LPP: variants seen among roughly 807,000 people sequenced by gnomAD.
The protein encoded by LPP is lipoma-preferred partner.
A neutral mutation model predicts 60.4 loss-of-function variants in LPP; 38 were observed. The observed-to-expected ratio is 0.63, with a 90% confidence interval of 0.49 to 0.83. LPP has a LOEUF of 0.83. LPP is among the 40% of genes least tolerant of loss of function. The pLI is 0.00. For synonymous variants in LPP, 328 were observed against 290.8 expected (o/e 1.13, Z -1.30); for missense variants, 902 against 783.6 (o/e 1.15, Z -1.80).
At chr3:188,413,393 A>G (rs757644244) in intron 4 of LPP, among the ~76,000 whole-genome samples, 3 of 152,146 alleles carry the variant, frequency 2.0e-5, no homozygotes, top group Non-Finnish European at 2.9e-5. Flanking sequence ...GTTAATTGCA[A>G]TTAGAGACTG....
At chr3:188,372,597 T>C (rs1244934197) in intron 3 of LPP, among the ~76,000 whole-genome samples, 1 of 152,002 alleles carries the variant, frequency 6.6e-6, no homozygotes, top group Non-Finnish European at 1.5e-5. Context: ...TCCCCTGGGC[T>C]TTTCTTCCCA....
At chr3:188,155,448 A>T (rs1270141272) in intron 1 of LPP, among the ~76,000 whole-genome samples, 2 of 152,144 alleles carry the variant, frequency 1.3e-5, no homozygotes. Flanking sequence ...TTCCCTGCAC[A>T]TGTGCATTTT....
intron 7 of LPP, among the ~76,000 whole-genome samples, chr3:188,642,809 G>A (rs994772653): frequency 2.0e-5 from 3 of 152,142 alleles, no homozygotes; most frequent in African/African-American, 7.2e-5. Flanking sequence ...GGTGGCACAT[G>A]CCTGTAATCC....
intron 2 of LPP, among the ~76,000 whole-genome samples, chr3:188,329,386 A>G (rs1302696845): frequency 6.6e-6 from 1 of 152,246 alleles, no homozygotes; most frequent in East Asian, 1.9e-4. Flanking sequence ...TATAGTTTGT[A>G]TATCTTTTAT....
At chr3:188,823,287 C>T (rs1336485825) in intron 9 of LPP, among the ~76,000 whole-genome samples, 3 of 152,184 alleles carry the variant, frequency 2.0e-5, no homozygotes, top group Non-Finnish European at 4.4e-5. Flanking sequence ...CCTCCTAATG[C>T]CATCTAAGCT....
intron 6 of LPP, among the ~76,000 whole-genome samples, chr3:188,607,777 T>G: frequency 6.6e-6 from 1 of 152,206 alleles, no homozygotes; most frequent in Non-Finnish European, 1.5e-5. Flanking sequence ...TCACCTATTT[T>G]GAAAATAAAA....
chr3:188,531,940 T>A (rs991327806), intron 6 of LPP, among the ~76,000 whole-genome samples: 1 of 152,120 alleles, frequency 6.6e-6, no homozygotes, highest in Non-Finnish European at 1.5e-5. Flanking sequence ...CCGCAGCTTG[T>A]GATTGACATA....
intron 7 of LPP, among the ~76,000 whole-genome samples, chr3:188,681,976 A>T (rs531660040): frequency 6.6e-6 from 1 of 152,348 alleles, no homozygotes; most frequent in East Asian, 1.9e-4. Flanking sequence ...GCACCTTTCA[A>T]GGAGGAAGAA....
At chr3:188,288,039 A>T (rs1159124335) in intron 2 of LPP, among the ~76,000 whole-genome samples, 3 of 152,254 alleles carry the variant, frequency 2.0e-5, no homozygotes, top group Non-Finnish European at 2.9e-5. Context: ...GCAATTTGTT[A>T]TCAAAAGCTT....
At chr3:188,433,004 T>C (rs1791326356) in intron 4 of LPP, among the ~76,000 whole-genome samples, 1 of 152,150 alleles carries the variant, frequency 6.6e-6, no homozygotes, top group African/African-American at 2.4e-5. Context: ...GCTTTGGCTA[T>C]GTACACCAGA....
intron 6 of LPP, among the ~76,000 whole-genome samples, chr3:188,530,447 T>A (rs1022360353): frequency 6.6e-6 from 1 of 152,076 alleles, no homozygotes; most frequent in African/African-American, 2.4e-5. Context: ...GATCCTGGAG[T>A]GAATTGCAGA....
At chr3:188,269,003 G>A (rs1301360613) in intron 2 of LPP, among the ~76,000 whole-genome samples, 1 of 152,104 alleles carries the variant, frequency 6.6e-6, no homozygotes, top group Non-Finnish European at 1.5e-5. Context: ...GATGGACCTC[G>A]AATTCTAATT....
intron 3 of LPP, among the ~76,000 whole-genome samples, chr3:188,356,266 G>A (rs1202948503): frequency 1.3e-5 from 2 of 152,166 alleles, no homozygotes; most frequent in Non-Finnish European, 2.9e-5. Flanking sequence ...GTGGAAAAGG[G>A]CAACATAGTT....
At chr3:188,368,491 G>A (rs892068263) in intron 3 of LPP, among the ~76,000 whole-genome samples, 1 of 151,942 alleles carries the variant, frequency 6.6e-6, no homozygotes, top group Middle Eastern at 3.2e-3. Context: ...GAAATAGAGG[G>A]CCAGAAGGCT....
At chr3:188,320,682 T>C (rs551324565) in intron 2 of LPP, among the ~76,000 whole-genome samples, 1 of 152,326 alleles carries the variant, frequency 6.6e-6, no homozygotes, top group African/African-American at 2.4e-5. Context: ...ATTTTCCTTA[T>C]CCATGGATCA....
chr3:188,825,269 C>CTCTCTCTGTGTGTGTGTGTGTG (rs1463318065), intron 9 of LPP, among the ~76,000 whole-genome samples: 2 of 101,690 alleles, frequency 2.0e-5, no homozygotes, highest in Non-Finnish European at 1.9e-5. Context: ...CTCTCTCTCT[C>CTCTCTCTGTGTGTGTGTGTGTG]TGTGTGTGTG....
chr3:188,394,889 T>A (rs1275466173), intron 3 of LPP, among the ~76,000 whole-genome samples: 1 of 152,188 alleles, frequency 6.6e-6, no homozygotes, highest in Non-Finnish European at 1.5e-5. Flanking sequence ...GGTCCCCAGT[T>A]GAAAATGCTT....
chr3:188,395,753 A>G (rs1780793611), intron 3 of LPP, among the ~76,000 whole-genome samples: 2 of 151,478 alleles, frequency 1.3e-5, no homozygotes, highest in Non-Finnish European at 2.9e-5. Flanking sequence ...CTTTACAAAA[A>G]AAATTAAAAA....
At position 188,714,809 on chromosome 3, in the gene LPP, A is replaced by G. The variant is rs186851592; in HGVS notation, c.1240+6416A>G. Among the ~76,000 whole-genome samples, 7 of 152,312 alleles carry G rather than the reference A, an allele frequency of 4.6e-5. No homozygotes were observed. The East Asian group carries it at 1.2e-3, about 25-fold the overall frequency. On this transcript the variant is annotated intron_variant, in intron 8 of 11. Transcript: ENST00000617246. ...ATCTACTTGGACTTAAGTTTTGGCT[A>G]TAACAGATTTCCTTACCATGGACCT... is the stretch of plus-strand genomic sequence containing the variant.
Sources: gnomAD v4.1 joint callset for allele counts (sites outside exome capture counted in the v4.1 genomes callset) on GRCh38, gnomAD v4.1.1 for gene constraint, MANE v1.5 for transcripts, NCBI Gene and HGNC (gene_info 2026-07-23, HGNC 2026-07-21) for gene names.